The following PIR variants were observed in gnomAD, a reference collection of about 807,000 sequenced individuals.
PIR encodes the protein pirin, also known as pirin (iron-binding nuclear protein).
PIR carries 22 observed loss-of-function variants against 24.2 expected under a neutral mutation model. The observed-to-expected ratio is 0.91, with a 90% CI of 0.65 to 1.30. The LOEUF is 1.30. PIR is among the 50% of genes most tolerant of loss of function. PIR has a pLI of 0.00. For missense variants in PIR, 220 were observed against 220.3 expected, an observed-to-expected ratio of 1.00 and a Z score of 0.01; for synonymous variants, 80 against 79.6, an observed-to-expected ratio of 1.00 and a Z score of -0.03.
intron 2 of PIR, among the ~76,000 whole-genome samples, chrX:15,483,485 A>G (rs1473906): frequency 9.1e-6 from 1 of 109,333 alleles, no homozygotes; most frequent in South Asian, 3.9e-4. Context: ...TCAAACCATC[A>G]GAAGACACCT....
intron 4 of PIR, among the ~76,000 whole-genome samples, chrX:15,459,145 C>A (rs1039586256): frequency 1.8e-5 from 2 of 111,716 alleles, no homozygotes; most frequent in Non-Finnish European, 3.8e-5. Context: ...ATGGAGGGCT[C>A]GAGGTCATTG....
At chrX:15,433,722 G>A (rs1925612303) in intron 5 of PIR, among the ~76,000 whole-genome samples, 1 of 43,546 alleles carries the variant, frequency 2.3e-5, no homozygotes, top group African/African-American at 9.3e-5. Flanking sequence ...AGGAGGAGGA[G>A]GAAGGAGAAA....
chrX:15,430,015 G>T (rs895388476), intron 5 of PIR, among the ~76,000 whole-genome samples: 18 of 111,660 alleles, frequency 1.6e-4, no homozygotes, highest in African/African-American at 5.5e-4. Flanking sequence ...TTTATGTATA[G>T]TATTAAACTA....
chrX:15,400,214 T>G (rs1240430614), intron 7 of PIR, among the ~76,000 whole-genome samples: 1 of 111,929 alleles, frequency 8.9e-6, no homozygotes, highest in East Asian at 2.8e-4. Flanking sequence ...ATGCAGGGAT[T>G]TGGCAATAGA....
At chrX:15,443,315 AAAT>A (rs1266114040) in intron 5 of PIR, among the ~76,000 whole-genome samples, 5 of 111,707 alleles carry the variant, frequency 4.5e-5, no homozygotes, top group Admixed American at 9.5e-5. Context: ...ATTCCTTTAA[AAAT>A]ATTACTGCTC....
At chrX:15,397,274 T>C (rs1924196399) in intron 8 of PIR, among the ~76,000 whole-genome samples, 175 bp downstream of exon 8, 1 of 112,355 alleles carries the variant, frequency 8.9e-6, no homozygotes, top group Non-Finnish European at 1.9e-5. Flanking sequence ...GATAAAACTT[T>C]AAAATAAACC....
intron 6 of PIR, among the ~76,000 whole-genome samples, chrX:15,423,446 T>A (rs1231702317): frequency 1.8e-5 from 2 of 111,051 alleles, no homozygotes; most frequent in African/African-American, 6.6e-5. Flanking sequence ...TTAAACCACA[T>A]CTCTACTAAA....
At chrX:15,464,627 A>G (rs1921466335) in intron 3 of PIR, among the ~76,000 whole-genome samples, 1 of 112,040 alleles carries the variant, frequency 8.9e-6, no homozygotes, top group South Asian at 3.7e-4. Context: ...TTTTATAGAG[A>G]GCGCTTATGT....
intron 9 of PIR, among the ~76,000 whole-genome samples, chrX:15,387,127 C>T (rs1413020688): frequency 5.0e-5 from 4 of 79,944 alleles, no homozygotes; most frequent in Admixed American, 1.9e-4. Context: ...CTTGCTCTGT[C>T]GCCCAGGCTG....
rs371015494 is a variant in PIR at position 15,398,760 on chromosome X, G to C, written c.611-1229C>G. On this transcript the variant is annotated intron_variant, in intron 7 of 9. Coordinates refer to ENST00000380420, the MANE Select transcript of PIR (RefSeq NM_001018109.3). ...GAAATGACTATGATGGCAGAATGTGGAGTGAATTGGAGGGGACAACACTGA... is the reference window on the plus strand; with the variant it reads ...GAAATGACTATGATGGCAGAATGTGCAGTGAATTGGAGGGGACAACACTGA... Among the ~76,000 whole-genome samples, 12 of 104,800 alleles carry C rather than the reference G, an allele frequency of 1.1e-4. No individual in the cohort carries two copies. In the East Asian group the frequency reaches 3.4e-3, roughly 30 times the overall value. 91.0% of individuals were successfully genotyped at this position (104,800 alleles called of 115,157 possible).
intron 5 of PIR, among the ~76,000 whole-genome samples, chrX:15,444,143 A>C (rs1046163816): frequency 1.2e-4 from 13 of 111,938 alleles, no homozygotes; most frequent in African/African-American, 3.9e-4. Context: ...ATTTCGTGAA[A>C]GGAAGAGTCA....
At chrX:15,425,411 C>CTTT (rs756160029) in intron 6 of PIR, among the ~76,000 whole-genome samples, 2 of 92,105 alleles carry the variant, frequency 2.2e-5, no homozygotes, top group Non-Finnish European at 4.3e-5. Flanking sequence ...TTCTTTCTTT[C>CTTT]TTTTTTTTTT....
intron 2 of PIR, among the ~76,000 whole-genome samples, chrX:15,487,540 T>C (rs771597576): frequency 1.8e-5 from 2 of 112,326 alleles, no homozygotes; most frequent in Admixed American, 1.9e-4. Flanking sequence ...CTATGATGAT[T>C]GAAATTCTTC....
chrX:15,424,041 C>T (rs1443071882), intron 6 of PIR, among the ~76,000 whole-genome samples: 1 of 112,113 alleles, frequency 8.9e-6, no homozygotes, highest in Admixed American at 9.4e-5. Context: ...ATAGAACTAC[C>T]ATATAATCCA....
At chrX:15,458,277 G>A (rs1031438830) in intron 4 of PIR, among the ~76,000 whole-genome samples, 1 of 111,606 alleles carries the variant, frequency 9.0e-6, no homozygotes, top group Admixed American at 9.5e-5. Context: ...CTGAGGCTAT[G>A]GGCATCTGTT....
Position 15,400,988 on chromosome X carries a change from C to T in PIR, c.611-3457G>A, listed in dbSNP as rs747038659. ...CTCCTGACCTCGTGATCTGCCCCCT[C>T]GATCTCCCAAAGTGCTGGGATTACA... On this transcript the variant is annotated intron_variant, in intron 7 of 9. Coordinates refer to ENST00000380420, the MANE Select transcript of PIR (RefSeq NM_001018109.3). Among the ~76,000 whole-genome samples, 23 of 109,884 alleles carry T rather than the reference C, an allele frequency of 2.1e-4. No homozygotes were observed. The South Asian group carries it at 6.2e-3, about 30-fold the overall frequency.
intron 6 of PIR, among the ~76,000 whole-genome samples, chrX:15,420,211 GACA>G (rs772336802): frequency 1.8e-3 from 203 of 111,073 alleles, no homozygotes; most frequent in Non-Finnish European, 2.9e-3. Context: ...CAACAACAAC[GACA>G]ACAACAACAA....
chrX:15,434,423 A>G (rs1238118999), intron 5 of PIR, among the ~76,000 whole-genome samples: 1 of 109,400 alleles, frequency 9.1e-6, no homozygotes, highest in Admixed American at 9.8e-5. Context: ...AGGAGGAGGA[A>G]GGAGGAGGAG....
intron 8 of PIR, among the ~76,000 whole-genome samples, chrX:15,396,282 C>T (rs1924133025): frequency 9.0e-6 from 1 of 111,229 alleles, no homozygotes; most frequent in African/African-American, 3.3e-5. Flanking sequence ...GTTTTTCTTC[C>T]GTTTACCTCA....
Sources: allele counts gnomAD v4.1 joint callset (sites outside exome capture counted in the v4.1 genomes callset), GRCh38; gene constraint gnomAD v4.1.1; transcripts MANE v1.5; gene names NCBI Gene and HGNC (gene_info 2026-07-23, HGNC 2026-07-21).